PPP6C: variants seen among roughly 807,000 people sequenced by gnomAD.
PPP6C encodes protein phosphatase 6 catalytic subunit.
PPP6C carries 11 observed loss-of-function variants against 39.8 expected under a neutral mutation model. The ratio of observed to expected loss-of-function variants is 0.28; its 90% CI spans 0.17 to 0.46. PPP6C has a LOEUF of 0.46. Among genes scored for constraint, PPP6C ranks in the 20% least tolerant of loss-of-function variants. PPP6C has a pLI of 1.00. For synonymous variants in PPP6C, 129 were observed against 130.3 expected, an observed-to-expected ratio of 0.99 and a Z score of 0.07; for missense variants, 211 against 373.9, an observed-to-expected ratio of 0.56 and a Z score of 3.59.
chr9:125,169,209 A>G (rs1829090000), intron 2 of PPP6C, among the ~76,000 whole-genome samples: 1 of 152,210 alleles, frequency 6.6e-6, no homozygotes, highest in African/African-American at 2.4e-5. Flanking sequence ...ATTTCTCTTC[A>G]ATCTTTCAGT....
intron 1 of PPP6C, among the ~76,000 whole-genome samples, chr9:125,181,490 G>A (rs780078959): frequency 2.0e-5 from 3 of 151,496 alleles, no homozygotes; most frequent in South Asian, 2.1e-4. Context: ...CCTTTACCCC[G>A]GACCCCCTGA....
At chr9:125,188,632 A>G (rs1273759962) in intron 1 of PPP6C, among the ~76,000 whole-genome samples, 1 of 151,812 alleles carries the variant, frequency 6.6e-6, no homozygotes, top group Admixed American at 6.6e-5. Context: ...CTAAAAATAC[A>G]AAACAGCCGG....
rs751025945 is a variant in PPP6C, at chr9:125,158,328, C to A, written c.292G>T (p.Ala98Ser). 3.1e-5 allele frequency: 50 copies of A among 1,612,774 alleles called. No homozygotes were observed. Among genetic ancestry groups the A allele is most frequent in the Non-Finnish European group, 3.5e-5 (41 of 1,178,986 alleles). ...CGATCAGGCCATTTAGCCTTTAATG[C>A]AAGAAGGTAAGTGAAGGTCTCCAAA... ...YSLETFTYLL[A>S]LKAKWPDRIT... Residue 98 changes from alanine to serine, a missense_variant, in exon 4 of 7, where the codon GCA (alanine) becomes TCA (serine). Ala to Ser is a moderately conservative substitution (Grantham distance 99). Around this residue, in one of 2 missense-constraint regions of PPP6C, gnomAD observed 168 missense variants for 342.6 expected, o/e 0.49. Coordinates refer to ENST00000373547, the MANE Select transcript of PPP6C (RefSeq NM_002721.5).
intron 1 of PPP6C, among the ~76,000 whole-genome samples, chr9:125,188,157 G>A (rs1829571999): frequency 6.6e-6 from 1 of 152,078 alleles, no homozygotes; most frequent in African/African-American, 2.4e-5. Flanking sequence ...AGGCCGAGGC[G>A]GGCGGATCAC....
At chr9:125,189,041 C>T (rs750455552) in intron 1 of PPP6C, 80 of 927,860 alleles carry the variant, frequency 8.6e-5, no homozygotes, top group Non-Finnish European at 1.3e-4. Flanking sequence ...TACTCAGAAA[C>T]GGGATTCACC....
At chr9:125,184,590 G>T (rs1235347812) in intron 1 of PPP6C, among the ~76,000 whole-genome samples, 5 of 151,544 alleles carry the variant, frequency 3.3e-5, no homozygotes, top group Non-Finnish European at 7.4e-5. Flanking sequence ...GAAGAAACAA[G>T]TATTTGTCAT....
intron 1 of PPP6C, among the ~76,000 whole-genome samples, chr9:125,175,428 G>A (rs1829275693): frequency 6.6e-6 from 1 of 151,834 alleles, no homozygotes; most frequent in Admixed American, 6.6e-5. Flanking sequence ...CACGAGGTCA[G>A]GAGATCGAGA....
At chr9:125,153,816 A>G (rs7856257) in intron 5 of PPP6C, 74 bp from the exon 6 acceptor site, 1 of 1,525,736 alleles carries the variant, frequency 6.6e-7, no homozygotes, top group Admixed American at 1.7e-5. Flanking sequence ...AATACTAAAG[A>G]TATCAATATA....
intron 1 of PPP6C, among the ~76,000 whole-genome samples, chr9:125,185,555 G>C (rs1829509473): frequency 6.6e-6 from 1 of 151,474 alleles, no homozygotes; most frequent in African/African-American, 2.4e-5. Context: ...TTAGCCAGGA[G>C]TGGTGGTGGG....
At chr9:125,186,457 G>A (rs989725973) in intron 1 of PPP6C, among the ~76,000 whole-genome samples, 9 of 151,984 alleles carry the variant, frequency 5.9e-5, no homozygotes, top group Admixed American at 2.0e-4. Context: ...ATTAAGAAAT[G>A]GATACAGGCC....
intron 2 of PPP6C, among the ~76,000 whole-genome samples, chr9:125,162,853 G>A (rs1389035189): frequency 6.6e-6 from 1 of 151,664 alleles, no homozygotes; most frequent in Non-Finnish European, 1.5e-5. Context: ...CGAGGCGGGT[G>A]GATCACCTGA....
intron 6 of PPP6C, among the ~76,000 whole-genome samples, chr9:125,153,287 A>C (rs1265228187): frequency 1.3e-5 from 2 of 152,206 alleles, no homozygotes; most frequent in African/African-American, 4.8e-5. Context: ...AAAACAAAAA[A>C]AAAAGGAAAG....
At position 125,176,920 on chromosome 9, in the gene PPP6C, C is replaced by T. The variant is rs190866136; in HGVS notation, c.76-5740G>A. On this transcript the variant is annotated intron_variant, in intron 1 of 6. Transcript: ENST00000373547. ...AGAAAGTAAAGAATCAAGGATGACG[C>T]GGGATTTCTGGCTTAAACAATTAGA... Among the ~76,000 whole-genome samples the T allele has an allele frequency of 1.4e-3, 212 of 152,138 alleles. 1 individual carries two copies. Among genetic ancestry groups the T allele is most frequent in the Non-Finnish European group, 1.2e-3 (82 of 68,016 alleles).
chr9:125,170,778 T>C (rs1017978100), intron 2 of PPP6C, among the ~76,000 whole-genome samples: 4 of 152,226 alleles, frequency 2.6e-5, no homozygotes, highest in Admixed American at 6.5e-5. Flanking sequence ...ATAGTTATTA[T>C]GAGCAGTATG....
intron 3 of PPP6C, among the ~76,000 whole-genome samples, chr9:125,159,910 T>C (rs1274024140): frequency 3.3e-5 from 5 of 152,036 alleles, no homozygotes; most frequent in Non-Finnish European, 7.4e-5. Context: ...TAATACCAGC[T>C]ACTCGGGAGG....
chr9:125,157,569 A>G (rs953564377), intron 4 of PPP6C, among the ~76,000 whole-genome samples: 4 of 152,200 alleles, frequency 2.6e-5, no homozygotes, highest in African/African-American at 9.6e-5. Context: ...ACACACATAC[A>G]AAATGGATGA....
At chr9:125,180,851 G>C (rs889874011) in intron 1 of PPP6C, among the ~76,000 whole-genome samples, 3 of 152,144 alleles carry the variant, frequency 2.0e-5, no homozygotes, top group Admixed American at 6.6e-5. Flanking sequence ...GAAAATAACA[G>C]TGGACTATAA....
At chr9:125,172,746 C>CAA (rs1564154760) in intron 1 of PPP6C, among the ~76,000 whole-genome samples, 1 of 138,344 alleles carries the variant, frequency 7.2e-6, no homozygotes, top group Admixed American at 6.9e-5. Flanking sequence ...CACACACACA[C>CAA]ACACAAACAC....
chr9:125,179,379 T>G (rs1829375780), intron 1 of PPP6C, among the ~76,000 whole-genome samples: 1 of 152,196 alleles, frequency 6.6e-6, no homozygotes, highest in Non-Finnish European at 1.5e-5. Context: ...TATCAACTAT[T>G]TCTTTCAAGA....
Sources: allele counts gnomAD v4.1 joint callset (sites outside exome capture counted in the v4.1 genomes callset), GRCh38; gene constraint gnomAD v4.1.1; regional missense constraint gnomAD v4.1.1; transcripts MANE v1.5; gene names NCBI Gene and HGNC (gene_info 2026-07-23, HGNC 2026-07-21).